NCAM2: variants seen among roughly 807,000 people sequenced by gnomAD.
The protein encoded by NCAM2 is neural cell adhesion molecule 2.
In NCAM2, 30 loss-of-function variants were observed where a neutral mutation model predicts 98.1. The ratio of observed to expected loss-of-function variants is 0.31; its 90% confidence interval spans 0.23 to 0.41. NCAM2 has a LOEUF of 0.41. Ranked by LOEUF, NCAM2 falls within the 10% of genes least tolerant of loss-of-function variation. The probability of loss-of-function intolerance (pLI) is 1.00; values close to 1 mark genes in which losing one functional copy is unlikely to be tolerated. For synonymous variants in NCAM2, 368 were observed against 342.4 expected (o/e 1.07, Z -0.83); for missense variants, 867 against 1,005.8 (o/e 0.86, Z 1.87).
chr21:21,116,215 A>G (rs912825051), intron 1 of NCAM2, among the ~76,000 whole-genome samples: 1 of 152,162 alleles, frequency 6.6e-6, no homozygotes, highest in Non-Finnish European at 1.5e-5. Flanking sequence ...GAAGTGAACC[A>G]CATGCCATGT....
At chr21:21,018,638 T>C (rs562148597) in intron 1 of NCAM2, among the ~76,000 whole-genome samples, 1 of 152,376 alleles carries the variant, frequency 6.6e-6, no homozygotes, top group Non-Finnish European at 1.5e-5. Flanking sequence ...TGCTTCTATT[T>C]CTGTTGACAG....
intron 1 of NCAM2, among the ~76,000 whole-genome samples, chr21:21,024,673 C>T (rs1399940807): frequency 1.3e-5 from 2 of 151,992 alleles, no homozygotes; most frequent in Admixed American, 6.6e-5. Flanking sequence ...GTCAGCAGTT[C>T]GAGACCAGCC....
intron 1 of NCAM2, among the ~76,000 whole-genome samples, chr21:21,072,758 T>C (rs1268816615): frequency 6.6e-6 from 1 of 152,130 alleles, no homozygotes; most frequent in Non-Finnish European, 1.5e-5. Context: ...TTCTATTTAA[T>C]TTTAATAAAT....
intron 1 of NCAM2, among the ~76,000 whole-genome samples, chr21:21,235,013 T>TTGTA (rs1688587029): frequency 6.6e-6 from 1 of 152,046 alleles, no homozygotes. Context: ...AAGTGAAACA[T>TTGTA]CGTAGCAAAA....
At position 21,317,858 on chromosome 21, in the gene NCAM2, A is replaced by C. The variant is rs553999004; in HGVS notation, c.620-6525A>C. ...ACTTCTTTTTAAACTTGAATTACCAACTTGTATTCTAGTCCATTTTGTACC... is the reference window on the plus strand; with the variant it reads ...ACTTCTTTTTAAACTTGAATTACCACCTTGTATTCTAGTCCATTTTGTACC... On this transcript the variant is annotated intron_variant, in intron 5 of 17. Transcript: ENST00000400546. Among the ~76,000 whole-genome samples, 4 of 152,114 alleles carry C rather than the reference A, an allele frequency of 2.6e-5. No homozygotes were observed. The South Asian group carries it at 8.3e-4, about 32-fold the overall frequency.
chr21:21,114,673 A>G (rs1331653427), intron 1 of NCAM2, among the ~76,000 whole-genome samples: 1 of 152,176 alleles, frequency 6.6e-6, no homozygotes, highest in African/African-American at 2.4e-5. Context: ...ACCACTGATC[A>G]GTATCTTTTT....
At chr21:21,312,012 G>A (rs1464298627) in intron 5 of NCAM2, among the ~76,000 whole-genome samples, 2 of 152,094 alleles carry the variant, frequency 1.3e-5, no homozygotes, top group Non-Finnish European at 2.9e-5. Context: ...TTTTACTTGA[G>A]TGCTGTGTTG....
chr21:21,020,455 C>T (rs2146182358), intron 1 of NCAM2, among the ~76,000 whole-genome samples: 1 of 152,320 alleles, frequency 6.6e-6, no homozygotes, highest in East Asian at 1.9e-4. Context: ...TGTTATTTTT[C>T]TCCACTTCTC....
intron 16 of NCAM2, among the ~76,000 whole-genome samples, chr21:21,511,332 T>A (rs1988365917): frequency 6.6e-6 from 1 of 152,000 alleles, no homozygotes; most frequent in East Asian, 1.9e-4. Context: ...TCTTTCTCCA[T>A]GAGTTTAAGT....
At chr21:21,257,101 A>G (rs945005127) in intron 1 of NCAM2, among the ~76,000 whole-genome samples, 2 of 152,242 alleles carry the variant, frequency 1.3e-5, no homozygotes, top group Non-Finnish European at 2.9e-5. Flanking sequence ...TTCAGAATGT[A>G]GGAGGAGATC....
chr21:21,020,691 C>G (rs2064415693), intron 1 of NCAM2, among the ~76,000 whole-genome samples: 1 of 152,190 alleles, frequency 6.6e-6, no homozygotes, highest in Non-Finnish European at 1.5e-5. Flanking sequence ...TACCAGGTTT[C>G]CTGATTCGAG....
chr21:21,385,371 A>AACACACACACACACAC lies in NCAM2; in HGVS notation c.1195+11371_1195+11386dup, dbSNP rs543136137. Reference sequence around the variant, plus strand: ...ATTACAAAGACATTACACAATGTTAAACACACACACACACACACACACACA... The same window carrying AACACACACACACACAC: ...ATTACAAAGACATTACACAATGTTAAACACACACACACACACACACACACACACACACACACACACA... On this transcript the variant is annotated intron_variant, in intron 9 of 17. Coordinates refer to ENST00000400546, the MANE Select transcript of NCAM2 (RefSeq NM_004540.5). Among the ~76,000 whole-genome samples, 11 of 110,224 alleles carry AACACACACACACACAC rather than the reference A, an allele frequency of 1.0e-4. No individual in the cohort carries two copies. The South Asian group carries it at 1.7e-3, about 17-fold the overall frequency. 72.3% of individuals were successfully genotyped at this position (110,224 alleles called of 152,430 possible). A position where few individuals can be genotyped will look rare whatever the true frequency, so the allele number is the denominator to read the frequency against.
intron 15 of NCAM2, among the ~76,000 whole-genome samples, chr21:21,496,763 T>A (rs1987268747): frequency 2.0e-5 from 3 of 152,146 alleles, no homozygotes; most frequent in Admixed American, 1.3e-4. Context: ...ATTTAAGTTT[T>A]TAATCCATCC....
At chr21:21,385,423 A>G (rs925792173) in intron 9 of NCAM2, among the ~76,000 whole-genome samples, 2 of 133,334 alleles carry the variant, frequency 1.5e-5, no homozygotes, top group African/African-American at 5.4e-5. Flanking sequence ...CACACACACA[A>G]TTACCAGAAC....
At chr21:21,516,043 C>A (rs148602299) in intron 16 of NCAM2, among the ~76,000 whole-genome samples, 13 of 152,236 alleles carry the variant, frequency 8.5e-5, no homozygotes, top group African/African-American at 2.9e-4. Flanking sequence ...CACACAGAAG[C>A]ATACCGTATG....
chr21:21,112,638 A>T lies in NCAM2; in HGVS notation c.55+114020A>T, dbSNP rs149235895. Among the ~76,000 whole-genome samples, 966 of 152,288 alleles carry T rather than the reference A, an allele frequency of 6.3e-3. 3 individuals carry two copies. Among genetic ancestry groups the T allele is most frequent in the Non-Finnish European group, 8.9e-3 (608 of 68,014 alleles). On this transcript the variant is annotated intron_variant, in intron 1 of 17. Transcript: ENST00000400546. ...GGATGGTATCAGTCCTGATAACTCCATTTAAGAATCCTATGAAGAGAAAAC... is the reference window on the plus strand; with the variant it reads ...GGATGGTATCAGTCCTGATAACTCCTTTTAAGAATCCTATGAAGAGAAAAC...
chr21:21,345,232 C>T, intron 8 of NCAM2, among the ~76,000 whole-genome samples: 1 of 152,064 alleles, frequency 6.6e-6, no homozygotes, highest in East Asian at 1.9e-4. Context: ...AGAACATCTA[C>T]TAGCATTAAC....
intron 12 of NCAM2, among the ~76,000 whole-genome samples, chr21:21,445,726 G>A (rs554523682): frequency 1.2e-4 from 18 of 151,752 alleles, no homozygotes; most frequent in South Asian, 2.1e-4. Flanking sequence ...GCCTTTGCAC[G>A]TGAGATGGGT....
At chr21:21,238,770 G>A (rs1350233069) in intron 1 of NCAM2, among the ~76,000 whole-genome samples, 2 of 151,972 alleles carry the variant, frequency 1.3e-5, no homozygotes, top group Non-Finnish European at 2.9e-5. Flanking sequence ...TAATAAATTG[G>A]CCATTTTCTA....
Sources: gnomAD v4.1 joint callset for allele counts (sites outside exome capture counted in the v4.1 genomes callset) on GRCh38, gnomAD v4.1.1 for gene constraint, MANE v1.5 for transcripts, NCBI Gene and HGNC (gene_info 2026-07-23, HGNC 2026-07-21) for gene names.